KLHDC2: variants seen among roughly 807,000 people sequenced by gnomAD.
The protein encoded by KLHDC2 is kelch domain-containing protein 2.
KLHDC2 carries 38 observed loss-of-function variants against 62.3 expected under a neutral mutation model. That is an observed-to-expected ratio of 0.61 (90% CI 0.47 to 0.80). The LOEUF is 0.80. KLHDC2 is among the 30% of genes least tolerant of loss of function. The probability of loss-of-function intolerance (pLI) is 0.00; values close to 1 mark genes in which losing one functional copy is unlikely to be tolerated. For missense variants in KLHDC2, 430 were observed against 495.3 expected (o/e 0.87, Z 1.25); for synonymous variants, 159 against 161.0 (o/e 0.99, Z 0.09).
In KLHDC2 at chr14:49,774,649, G is replaced by A; in HGVS notation, c.322G>A (p.Gly108Arg). 1 of 1,610,852 alleles carries A rather than the reference G, an allele frequency of 6.2e-7. No individual in the cohort carries two copies. The highest frequency in any genetic ancestry group is 8.5e-7 in the Non-Finnish European group (1 of 1,177,100). Residue 108 changes from glycine (G) to arginine (R), a missense_variant, in exon 3 of 13, where the codon GGA (glycine) becomes AGA (arginine). Transcript: ENST00000298307. The part of the protein sequence containing the change: ...CVDRVLYLFG[G>R]HHSRGNTNKF... ...AGACAGGGTGCTGTACTTGTTTGGAGGACACCATTCAAGAGGCAATACCAA... is the reference window on the plus strand; with the variant it reads ...AGACAGGGTGCTGTACTTGTTTGGAAGACACCATTCAAGAGGCAATACCAA...
chr14:49,771,780 A>T, intron 2 of KLHDC2, 107 bp downstream of exon 2: 5 of 630,428 alleles, frequency 7.9e-6, no homozygotes. Context: ...ACGCGGGCGG[A>T]TCTCTCGAGG....
intron 1 of KLHDC2, among the ~76,000 whole-genome samples, chr14:49,769,604 C>T (rs1203086118): frequency 6.6e-6 from 1 of 152,110 alleles, no homozygotes; most frequent in Non-Finnish European, 1.5e-5. Context: ...CCTAATGAAT[C>T]TGCAGTGTTT....
At chr14:49,776,513 A>T (rs1889776236) in intron 3 of KLHDC2, among the ~76,000 whole-genome samples, 1 of 152,118 alleles carries the variant, frequency 6.6e-6, no homozygotes, top group Non-Finnish European at 1.5e-5. Context: ...AAGTCAATTA[A>T]CTCTTTAATC....
Position 49,780,270 on chromosome 14 carries a change from T to G in KLHDC2, c.831T>G (p.Ser277=). 6.2e-7 allele frequency: 1 copy of G among 1,613,936 alleles called. No individual in the cohort carries two copies. Among genetic ancestry groups the G allele is most frequent in the Non-Finnish European group, 8.5e-7 (1 of 1,179,780 alleles). The change falls in exon 9 of 13, where the codon TCT becomes TCG. Residue 277 remains serine, a synonymous_variant. Transcript: ENST00000298307. ...CTTGGCACTCACTAACACCAGTTTC[T>G]TCAGATCATCTTTTTCTCTTTGGAG... is the stretch of plus-strand genomic sequence containing the variant. ...GRSWHSLTPV[S]SDHLFLFGGF...
intron 1 of KLHDC2, 64 bp from the exon 2 acceptor site, chr14:49,771,530 A>T (rs1889663946): frequency 5.3e-6 from 4 of 752,286 alleles, no homozygotes; most frequent in Admixed American, 4.3e-5. Flanking sequence ...AGATCGATTT[A>T]AAAAATACAG....
In KLHDC2 at chr14:49,777,643, T is replaced by C. The variant is rs938359011; in HGVS notation, c.352-196T>C. ...AAAATTAGTTGAGCTAACAGCGTGC[T>C]TAGTGACTTAGGAAGTTGGTATTCA... On this transcript the variant is annotated intron_variant, in intron 3 of 12. Coordinates refer to ENST00000298307, the MANE Select transcript of KLHDC2 (RefSeq NM_014315.3). Among the ~76,000 whole-genome samples, 4 of 152,088 alleles carry C rather than the reference T, an allele frequency of 2.6e-5. No homozygotes were observed. In the East Asian group the frequency reaches 7.7e-4, roughly 29 times the overall value.
intron 3 of KLHDC2, among the ~76,000 whole-genome samples, chr14:49,776,004 T>C (rs1318551082): frequency 6.6e-6 from 1 of 152,132 alleles, no homozygotes; most frequent in Non-Finnish European, 1.5e-5. Flanking sequence ...TCCTAGAAAC[T>C]TTAGGGATTT....
rs766721615 is a variant in KLHDC2, at chr14:49,778,524, A to G, written c.633+30A>G. ...GTTACTAAAGAATAATGAATTGTTA[A>G]GGATACTTAGAGGCAGTGGGGAGGG... On this transcript the variant is annotated intron_variant, in intron 6 of 12. Transcript: ENST00000298307. 7.3e-6 allele frequency: 4 copies of G among 544,776 alleles called. No homozygotes were observed. The African/African-American group carries it at 9.9e-5, about 13-fold the overall frequency. The allele number at this position is 544,776 out of a possible 1,614,324, so 33.7% of individuals were successfully genotyped here.
In KLHDC2 at chr14:49,784,257, A is replaced by ATAT. The variant is rs951911394; in HGVS notation, c.*1307_*1309dup. Reference sequence around the variant, plus strand: ...TTAGTTCATTTGGCCTGTAATATATATATTAGATGTTATATACAGTAGACT... The same window carrying ATAT: ...TTAGTTCATTTGGCCTGTAATATATATATTATTAGATGTTATATACAGTAGACT... On this transcript the variant is annotated 3_prime_UTR_variant, in exon 13 of 13. Transcript: ENST00000298307. The ATAT allele has an allele frequency of 1.3e-5, 2 of 154,704 alleles. No homozygotes were observed. Among genetic ancestry groups the ATAT allele is most frequent in the African/African-American group, 4.9e-5 (2 of 40,570 alleles). The allele number at this position is 154,704 out of a possible 1,614,324, so 9.6% of individuals were successfully genotyped here. A position where few individuals can be genotyped will look rare whatever the true frequency, so the allele number is the denominator to read the frequency against.
intron 12 of KLHDC2, 111 bp downstream of exon 12, chr14:49,782,705 G>T: frequency 1.5e-6 from 2 of 1,378,358 alleles, no homozygotes; most frequent in Non-Finnish European, 2.0e-6. Context: ...AAACTTCATT[G>T]CTATAACCAG....
chr14:49,780,205 A>G lies in KLHDC2; in HGVS notation c.774-8A>G. On this transcript the variant is annotated splice_region_variant and splice_polypyrimidine_tract_variant and intron_variant, in intron 8 of 12. Transcript: ENST00000298307. Reference sequence around the variant, plus strand: ...ATGCAGATATTGTAACTTAGCTATTATTTTCAGAATTCCACAAGGCATATG... The same window carrying G: ...ATGCAGATATTGTAACTTAGCTATTGTTTTCAGAATTCCACAAGGCATATG... 2 of 1,547,442 alleles carry G rather than the reference A, an allele frequency of 1.3e-6. No individual in the cohort carries two copies. Among genetic ancestry groups the G allele is most frequent in the East Asian group, 4.5e-5 (2 of 44,528 alleles).
Position 49,783,249 on chromosome 14 carries a change from G to C in KLHDC2, c.*296G>C. ...GATATGTATCTGTAGAAACATTATA[G>C]TCTTACCATCATCAAAATGCTGAAG... On this transcript the variant is annotated 3_prime_UTR_variant, in exon 13 of 13. Transcript: ENST00000298307. The C allele has an allele frequency of 4.6e-6, 1 of 215,578 alleles. No homozygotes were observed. Among genetic ancestry groups the C allele is most frequent in the Non-Finnish European group, 9.0e-6 (1 of 110,816 alleles). 13.4% of individuals were successfully genotyped at this position (215,578 alleles called of 1,614,324 possible).
intron 10 of KLHDC2, among the ~76,000 whole-genome samples, chr14:49,781,183 C>T (rs1198447484): frequency 6.6e-6 from 1 of 151,688 alleles, no homozygotes; most frequent in Non-Finnish European, 1.5e-5. Context: ...GCCTGGCCAA[C>T]ATGGTGAAAC....
At chr14:49,778,557 AGGGG>A in intron 6 of KLHDC2, 63 bp downstream of exon 6, 3 of 146,122 alleles carry the variant, frequency 2.1e-5, no homozygotes, top group South Asian at 5.7e-5. Flanking sequence ...GGGGTGGGGT[AGGGG>A]AGAGGGGTGC....
At chr14:49,772,329 T>A (rs1022730710) in intron 2 of KLHDC2, among the ~76,000 whole-genome samples, 1 of 152,226 alleles carries the variant, frequency 6.6e-6, no homozygotes, top group Non-Finnish European at 1.5e-5. Context: ...GTATAGAATT[T>A]TATCTGCTAA....
At chr14:49,771,712 A>T (rs765972080) in intron 2 of KLHDC2, 39 bp downstream of exon 2, 1 of 1,070,074 alleles carries the variant, frequency 9.3e-7, no homozygotes, top group South Asian at 1.3e-5. Flanking sequence ...AAAAATTCAG[A>T]TAAGGGCTGG....
chr14:49,781,917 T>TAGTC (rs995387870), intron 10 of KLHDC2, among the ~76,000 whole-genome samples: 1 of 152,206 alleles, frequency 6.6e-6, no homozygotes, highest in Non-Finnish European at 1.5e-5. Context: ...AAACCAAGTA[T>TAGTC]AGTCATGCAA....
Position 49,779,580 on chromosome 14 carries a change from A to G in KLHDC2, c.634-15A>G. The G allele has an allele frequency of 6.2e-7, 1 of 1,607,258 alleles. No individual in the cohort carries two copies. The highest frequency in any genetic ancestry group is 2.2e-5 in the East Asian group (1 of 44,762). On this transcript the variant is annotated splice_polypyrimidine_tract_variant and intron_variant, in intron 6 of 12. Coordinates refer to ENST00000298307, the MANE Select transcript of KLHDC2 (RefSeq NM_014315.3). ...TTATAAAAAGTTCACTAACTTGCTT[A>G]TGTGCCTCTAATAGGGTAAAGCACC...
intron 3 of KLHDC2, chr14:49,774,921 G>C (rs1889739690): frequency 2.2e-6 from 1 of 444,596 alleles, no homozygotes; most frequent in Admixed American, 4.1e-5. Context: ...GTTTTTCTTT[G>C]TGCTTTTTGC....
Sources: gnomAD v4.1 joint callset for allele counts (sites outside exome capture counted in the v4.1 genomes callset) on GRCh38, gnomAD v4.1.1 for gene constraint, MANE v1.5 for transcripts, NCBI Gene and HGNC (gene_info 2026-07-23, HGNC 2026-07-21) for gene names.